The following ENPP2 variants were observed in gnomAD, a reference collection of about 807,000 sequenced individuals.
ENPP2 encodes autotaxin.
A neutral mutation model predicts 120.2 loss-of-function variants in ENPP2; 51 were observed. That is an observed-to-expected ratio of 0.42 (90% CI 0.34 to 0.54). The LOEUF is 0.54. Among genes scored for constraint, ENPP2 ranks in the 20% least tolerant of loss-of-function variants. The pLI, the probability that ENPP2 is intolerant of heterozygous loss-of-function variation, is 0.04. For missense variants in ENPP2, 920 were observed against 1,066.5 expected (o/e 0.86, Z 1.91); for synonymous variants, 365 against 366.4 (o/e 1.00, Z 0.04).
At position 119,568,199 on chromosome 8, in the gene ENPP2, C is replaced by T. The variant is rs555545691; in HGVS notation, c.2107G>A (p.Val703Ile). The change falls in exon 22 of 25, where the codon GTT (valine) becomes ATT (isoleucine). Residue 703 changes from valine (V) to isoleucine (I), a missense_variant. Physicochemically the swap from Val to Ile is conservative, Grantham distance 29. Transcript: ENST00000075322. ...KYDAFLVTNM[V>I]PMYPAFKRVW... ...CGTTTGAAAGCAGGATACATTGGAA[C>T]CATATTGGTTACAAGGAATGCATCA... is the stretch of plus-strand genomic sequence containing the variant. 1.3e-5 allele frequency: 20 copies of T among 1,590,924 alleles called. No individual in the cohort carries two copies. In the African/African-American group the frequency reaches 1.3e-4, roughly 11 times the overall value.
chr8:119,671,132 C>CAAAAAAAAAA (rs371191607), intron 1 of ENPP2, among the ~76,000 whole-genome samples: 19 of 115,120 alleles, frequency 1.7e-4, no homozygotes, highest in African/African-American at 3.7e-4. Flanking sequence ...ACTAAAAATA[C>CAAAAAAAAAA]AAAAAAAAAA....
At chr8:119,565,694 C>T (rs574441122) in intron 22 of ENPP2, among the ~76,000 whole-genome samples, 1 of 144,898 alleles carries the variant, frequency 6.9e-6, no homozygotes, top group Admixed American at 7.1e-5. Flanking sequence ...CTCATCTTTT[C>T]ACTGCTCTAT....
At chr8:119,631,817 C>T (rs1816704455) in intron 2 of ENPP2, among the ~76,000 whole-genome samples, 1 of 151,944 alleles carries the variant, frequency 6.6e-6, no homozygotes, top group Admixed American at 6.6e-5. Flanking sequence ...AATAGAGGTA[C>T]ATAGTTTTGG....
At chr8:119,596,122 G>T in intron 11 of ENPP2, 1 of 885,150 alleles carries the variant, frequency 1.1e-6, no homozygotes, top group Non-Finnish European at 1.7e-6. Context: ...GGCTCCTTAA[G>T]TGAGAAAAAA....
chr8:119,631,962 G>A (rs16892899), intron 2 of ENPP2, among the ~76,000 whole-genome samples: 4,823 of 152,236 alleles, frequency 0.032, 252 homozygotes, highest in African/African-American at 0.11. Context: ...GGAGAACGAT[G>A]TTAAATGTCA....
chr8:119,624,872 G>A (rs1235359449), intron 3 of ENPP2, among the ~76,000 whole-genome samples: 1 of 152,118 alleles, frequency 6.6e-6, no homozygotes, highest in Non-Finnish European at 1.5e-5. Context: ...GAGAATCTCA[G>A]AGCCTTTTGT....
intron 19 of ENPP2, among the ~76,000 whole-genome samples, chr8:119,578,082 G>A (rs1171637965): frequency 3.3e-5 from 5 of 152,018 alleles, no homozygotes; most frequent in Non-Finnish European, 7.4e-5. Flanking sequence ...AGACAGTCTC[G>A]CTCTGTCGCC....
intron 1 of ENPP2, among the ~76,000 whole-genome samples, chr8:119,665,213 G>A (rs1818034741): frequency 6.6e-6 from 1 of 152,152 alleles, no homozygotes; most frequent in Non-Finnish European, 1.5e-5. Flanking sequence ...TTTGAATTGG[G>A]AGAGGATTCA....
At chr8:119,651,727 A>C (rs958718540) in intron 1 of ENPP2, among the ~76,000 whole-genome samples, 1 of 152,204 alleles carries the variant, frequency 6.6e-6, no homozygotes, top group Non-Finnish European at 1.5e-5. Flanking sequence ...CCCAAAAAGA[A>C]TAGGTTGCAA....
rs532408689 is a variant in ENPP2, at chr8:119,592,754, G to A, written c.1081+998C>T. On this transcript the variant is annotated intron_variant, in intron 12 of 24. Coordinates refer to ENST00000075322, the MANE Select transcript of ENPP2 (RefSeq NM_001040092.3). ...CCTGTGTGTAGCTCTCCACTAAGCC[G>A]AATGCATGGAGCATGACTTCGCAAA... 1.5e-4 allele frequency among the ~76,000 whole-genome samples: 23 copies of A among 149,126 alleles called. No homozygotes were observed. In the South Asian group the frequency reaches 2.8e-3, roughly 18 times the overall value.
Position 119,616,282 on chromosome 8 carries a change from A to T in ENPP2, c.760T>A (p.Trp254Arg). The T allele has an allele frequency of 6.2e-7, 1 of 1,606,324 alleles. No homozygotes were observed. Among genetic ancestry groups the T allele is most frequent in the Non-Finnish European group, 8.5e-7 (1 of 1,174,496 alleles). ...LRGREKFNHR[W>R]WGGQPLWITA... ...AAACTTACCGGTTGACCTCCCCACC[A>T]TCTATGATTAAATTTCTCTCGCCCT... The change falls in exon 8 of 25, where the codon TGG becomes AGG. Residue 254 changes from tryptophan (W) to arginine (R), a missense_variant. Transcript: ENST00000075322.
chr8:119,652,031 A>G (rs916227051), intron 1 of ENPP2, among the ~76,000 whole-genome samples: 5 of 152,136 alleles, frequency 3.3e-5, no homozygotes, highest in African/African-American at 1.2e-4. Context: ...ATGCTTCTAT[A>G]AAAAAATACC....
At chr8:119,594,637 G>A (rs1266757021) in intron 11 of ENPP2, among the ~76,000 whole-genome samples, 5 of 152,172 alleles carry the variant, frequency 3.3e-5, no homozygotes, top group African/African-American at 1.2e-4. Context: ...GTTTCTAACA[G>A]CATGAATGTC....
chr8:119,617,168 G>A lies in ENPP2; in HGVS notation c.653C>T (p.Ala218Val). Residue 218 changes from alanine (A) to valine (V), a missense_variant, in exon 7 of 25, where the codon GCC becomes GTC. Coordinates refer to ENST00000075322, the MANE Select transcript of ENPP2 (RefSeq NM_001040092.3). ...ATCATTCGAAAAAATACTTACAGTG[G>A]CCAAAGTGTATAAGTTAGGAAAGGT... ...TKTFPNLYTLATGLYPESHGI... is the reference protein window; with the variant it reads ...TKTFPNLYTLVTGLYPESHGI... 1 of 1,605,740 alleles carries A rather than the reference G, an allele frequency of 6.2e-7. No homozygotes were observed. Among genetic ancestry groups the A allele is most frequent in the Non-Finnish European group, 8.5e-7 (1 of 1,172,454 alleles).
chr8:119,561,422 G>C (rs546655446), intron 24 of ENPP2, among the ~76,000 whole-genome samples: 1 of 152,262 alleles, frequency 6.6e-6, no homozygotes, highest in East Asian at 1.9e-4. Flanking sequence ...AGTACTTGTT[G>C]ACTAAAGATT....
chr8:119,665,241 A>G (rs1038747285), intron 1 of ENPP2, among the ~76,000 whole-genome samples: 3 of 152,202 alleles, frequency 2.0e-5, no homozygotes, highest in African/African-American at 4.8e-5. Flanking sequence ...CCATAACAAC[A>G]TCTTTCGTTT....
chr8:119,671,613 G>T lies in ENPP2; in HGVS notation c.21+1639C>A, dbSNP rs116526740. Among the ~76,000 whole-genome samples, 1,172 of 152,284 alleles carry T rather than the reference G, an allele frequency of 7.7e-3. 18 individuals are homozygous for T. The highest frequency in any genetic ancestry group is 0.027 in the African/African-American group (1,112 of 41,552). On this transcript the variant is annotated intron_variant, in intron 1 of 25. Transcript: ENST00000427067. ...GCCATTTAAGCAGTGGCAAAGAAAAGAGGAAGAGCAGGCCTGGGAGAAGAA... is the reference window on the plus strand; with the variant it reads ...GCCATTTAAGCAGTGGCAAAGAAAATAGGAAGAGCAGGCCTGGGAGAAGAA...
rs983599922 is a variant in ENPP2 at position 119,604,822 on chromosome 8, A to G, written c.833+3100T>C. On this transcript the variant is annotated intron_variant, in intron 9 of 24. Coordinates refer to ENST00000075322, the MANE Select transcript of ENPP2 (RefSeq NM_001040092.3). ...GGAGTCTTGCTCTGTCTCCCAGGCT[A>G]GAGTGCAGTGGCATGGTCTCGGCTC... Among the ~76,000 whole-genome samples, 21 of 152,100 alleles carry G rather than the reference A, an allele frequency of 1.4e-4. No individual in the cohort carries two copies. The East Asian group carries it at 3.3e-3, about 24-fold the overall frequency.
At position 119,616,349 on chromosome 8, in the gene ENPP2, A is replaced by T. The variant is rs573739411; in HGVS notation, c.693T>A (p.Asn231Lys). The T allele has an allele frequency of 6.2e-7, 1 of 1,607,848 alleles. No individual in the cohort carries two copies. Residue 231 changes from asparagine to lysine, a missense_variant, in exon 8 of 25, where the codon AAT becomes AAA. Transcript: ENST00000075322. The stretch of plus-strand genomic sequence containing the variant: ...CATCAAATACAGGATCATACATTGA[A>T]TTGCCAACAATTCCATGTGATTCTG... Reference protein sequence around the residue: ...LYPESHGIVGNSMYDPVFDAT... With the variant: ...LYPESHGIVGKSMYDPVFDAT...
Sources: allele counts gnomAD v4.1 joint callset (sites outside exome capture counted in the v4.1 genomes callset), GRCh38; gene constraint gnomAD v4.1.1; transcripts MANE v1.5; gene names NCBI Gene and HGNC (gene_info 2026-07-23, HGNC 2026-07-21).